DCHS2: variants seen among roughly 807,000 people sequenced by gnomAD.
DCHS2 encodes the protein dachsous cadherin-related 2, also known as protocadherin-23.
DCHS2 carries 142 observed loss-of-function variants against 182.4 expected under a neutral mutation model. The observed-to-expected ratio is 0.78, with a 90% confidence interval of 0.68 to 0.89. The LOEUF is 0.89. Among genes scored for constraint, DCHS2 ranks in the 40% least tolerant of loss-of-function variants. DCHS2 has a pLI of 0.00. For synonymous variants in DCHS2, 1,740 were observed against 1,663.3 expected (o/e 1.05, Z -1.12); for missense variants, 4,319 against 4,198.6 (o/e 1.03, Z -0.79).
chr4:154,338,745 A>G (rs1429748099), intron 3 of DCHS2, among the ~76,000 whole-genome samples: 1 of 152,234 alleles, frequency 6.6e-6, no homozygotes, highest in Non-Finnish European at 1.5e-5. Flanking sequence ...AATACTGTGT[A>G]GCATCAAAAT....
intron 7 of DCHS2, among the ~76,000 whole-genome samples, chr4:154,324,014 G>A (rs1014179282): frequency 2.0e-5 from 3 of 152,140 alleles, no homozygotes; most frequent in Non-Finnish European, 4.4e-5. Context: ...ACTTTCAGAG[G>A]AGTTCATTAT....
intron 2 of DCHS2, among the ~76,000 whole-genome samples, chr4:154,373,240 C>T (rs1730725258): frequency 6.6e-6 from 1 of 152,168 alleles, no homozygotes; most frequent in African/African-American, 2.4e-5. Flanking sequence ...TCATCTTTCT[C>T]TTTACCAACC....
chr4:154,321,256 G>A (rs1736052331), intron 8 of DCHS2, 34 bp from the exon 9 acceptor site: 2 of 1,440,536 alleles, frequency 1.4e-6, no homozygotes, highest in South Asian at 1.7e-5. Flanking sequence ...TTAATTTGGG[G>A]TATTTTTAAA....
intron 3 of DCHS2, among the ~76,000 whole-genome samples, chr4:154,351,115 T>C (rs2110729271): frequency 6.6e-6 from 1 of 152,314 alleles, no homozygotes; most frequent in Middle Eastern, 3.4e-3. Flanking sequence ...TTGTCTTATG[T>C]TCAGCATGAC....
At position 154,332,738 on chromosome 4, in the gene DCHS2, TTA is replaced by T. The variant is rs1165976794; in HGVS notation, c.3468_3469del (p.Tyr1156Ter). On this transcript the variant is annotated stop_gained and frameshift_variant, in exon 5 of 20. Coordinates refer to ENST00000357232, the MANE Select transcript of DCHS2 (RefSeq NM_001358235.2). LOFTEE classifies it high-confidence loss of function. Reference sequence around the variant, plus strand: ...GGGGATCCAAGCAAACACTCTAAAATTATATGTTTGGGTGGATTCATAGTCAA... The same window carrying T: ...GGGGATCCAAGCAAACACTCTAAAATTATGTTTGGGTGGATTCATAGTCAA... 3 of 1,614,206 alleles carry T rather than the reference TTA, an allele frequency of 1.9e-6. No individual in the cohort carries two copies. In the South Asian group the frequency reaches 3.3e-5, roughly 18 times the overall value.
At chr4:154,401,988 G>A (rs1202757090) in intron 1 of DCHS2, among the ~76,000 whole-genome samples, 1 of 152,176 alleles carries the variant, frequency 6.6e-6, no homozygotes, top group Non-Finnish European at 1.5e-5. Flanking sequence ...AAAAGAAAAA[G>A]TGCAATGGTA....
chr4:154,452,588 C>T (rs764582495), intron 1 of DCHS2, among the ~76,000 whole-genome samples: 2 of 152,028 alleles, frequency 1.3e-5, no homozygotes, highest in Non-Finnish European at 2.9e-5. Flanking sequence ...TGTGCTGCTG[C>T]ACTCCAGCCT....
chr4:154,338,828 G>A (rs180731344), intron 3 of DCHS2, among the ~76,000 whole-genome samples: 18 of 152,110 alleles, frequency 1.2e-4, no homozygotes, highest in East Asian at 7.7e-4. Flanking sequence ...AGTTGCAAAC[G>A]TGAGTCTATG....
intron 3 of DCHS2, among the ~76,000 whole-genome samples, chr4:154,358,967 T>C (rs1729995170): frequency 6.6e-6 from 1 of 151,616 alleles, no homozygotes; most frequent in African/African-American, 2.4e-5. Context: ...TAATAAATAA[T>C]AAAATCATAA....
chr4:154,475,751 A>G (rs1393370427), intron 1 of DCHS2, among the ~76,000 whole-genome samples: 1 of 152,204 alleles, frequency 6.6e-6, no homozygotes, highest in Non-Finnish European at 1.5e-5. Context: ...GCCTCCACTT[A>G]TAAGAAATAG....
At chr4:154,417,234 A>AGAGAGAGAGAGAGG (rs1560745962) in intron 1 of DCHS2, among the ~76,000 whole-genome samples, 2 of 150,282 alleles carry the variant, frequency 1.3e-5, no homozygotes, top group African/African-American at 4.9e-5. Context: ...AGAGAGAGAG[A>AGAGAGAGAGAGAGG]GAGAGAGAGA....
At chr4:154,388,259 G>T (rs993918414) in intron 1 of DCHS2, among the ~76,000 whole-genome samples, 1 of 151,764 alleles carries the variant, frequency 6.6e-6, no homozygotes, top group African/African-American at 2.4e-5. Flanking sequence ...TTCAATGTAG[G>T]CATGAAAATT....
chr4:154,415,694 A>C (rs1705421031), intron 1 of DCHS2, among the ~76,000 whole-genome samples: 1 of 152,140 alleles, frequency 6.6e-6, no homozygotes, highest in African/African-American at 2.4e-5. Context: ...CGTCAGTAAG[A>C]TGGAGCTAAT....
intron 1 of DCHS2, among the ~76,000 whole-genome samples, chr4:154,458,901 C>A (rs978536144): frequency 6.6e-6 from 1 of 151,958 alleles, no homozygotes; most frequent in Non-Finnish European, 1.5e-5. Flanking sequence ...AGAGTTAATC[C>A]CCAAAAAACA....
intron 10 of DCHS2, among the ~76,000 whole-genome samples, chr4:154,309,640 G>A (rs901262883): frequency 6.6e-6 from 1 of 152,112 alleles, no homozygotes; most frequent in Non-Finnish European, 1.5e-5. Flanking sequence ...AGAGCACTTG[G>A]CACCAGAATT....
intron 13 of DCHS2, among the ~76,000 whole-genome samples, chr4:154,286,130 T>A (rs2111247728): frequency 6.6e-6 from 1 of 152,144 alleles, no homozygotes; most frequent in Non-Finnish European, 1.5e-5. Context: ...AGGTGGTGCC[T>A]CTGCATTAGG....
chr4:154,345,817 G>GA (rs751168824), intron 3 of DCHS2, among the ~76,000 whole-genome samples: 4 of 152,176 alleles, frequency 2.6e-5, no homozygotes, highest in African/African-American at 9.7e-5. Flanking sequence ...AACCAACCTG[G>GA]AAAAAAATCA....
intron 1 of DCHS2, among the ~76,000 whole-genome samples, chr4:154,412,033 T>G (rs1732653299): frequency 6.6e-6 from 1 of 152,224 alleles, no homozygotes; most frequent in African/African-American, 2.4e-5. Flanking sequence ...TAAATAATTT[T>G]TAAAAACTGA....
intron 3 of DCHS2, among the ~76,000 whole-genome samples, chr4:154,356,007 T>A (rs2110739008): frequency 6.6e-6 from 1 of 152,220 alleles, no homozygotes; most frequent in Middle Eastern, 3.4e-3. Flanking sequence ...AAAAAGAAGT[T>A]AATTGTAGAA....
Sources: allele counts gnomAD v4.1 joint callset (sites outside exome capture counted in the v4.1 genomes callset), GRCh38; gene constraint gnomAD v4.1.1; transcripts MANE v1.5; gene names NCBI Gene and HGNC (gene_info 2026-07-23, HGNC 2026-07-21).